RAD52: variants seen among roughly 807,000 people sequenced by gnomAD.
RAD52 encodes the protein DNA repair protein RAD52 homolog.
In RAD52, 47 loss-of-function variants were observed where a neutral mutation model predicts 55.5. That is an observed-to-expected ratio of 0.85 (90% CI 0.67 to 1.08). The LOEUF (loss-of-function observed/expected upper bound fraction) is 1.08. RAD52 is among the 50% of genes least tolerant of loss of function. RAD52 has a pLI of 0.00. For synonymous variants in RAD52, 184 were observed against 198.9 expected, an observed-to-expected ratio of 0.92 and a Z score of 0.63; for missense variants, 468 against 522.8, an observed-to-expected ratio of 0.90 and a Z score of 1.02.
chr12:935,254 G>C (rs1340317090), intron 1 of RAD52, among the ~76,000 whole-genome samples: 4 of 152,104 alleles, frequency 2.6e-5, no homozygotes, highest in Non-Finnish European at 4.4e-5. Context: ...TAACAAGATA[G>C]CTGGAGGGAG....
chr12:988,397 T>G (rs1490665690), intron 1 of RAD52, among the ~76,000 whole-genome samples: 1 of 152,190 alleles, frequency 6.6e-6, no homozygotes, highest in Non-Finnish European at 1.5e-5. Flanking sequence ...TTGGAGACTT[T>G]TCTTAAATAC....
Position 929,890 on chromosome 12 carries a change from G to C in RAD52, c.281-4C>G. The stretch of plus-strand genomic sequence containing the variant: ...CCATTGTTGAGGTCAACAAAATCTA[G>C]GAGTGGGAAAGAGAGCAAGTTGAAG... On this transcript the variant is annotated splice_region_variant and splice_polypyrimidine_tract_variant and intron_variant, in intron 4 of 11. Coordinates refer to ENST00000358495, the MANE Select transcript of RAD52 (RefSeq NM_134424.4). 1 of 1,613,306 alleles carries C rather than the reference G, an allele frequency of 6.2e-7. No homozygotes were observed. The highest frequency in any genetic ancestry group is 1.3e-5 in the African/African-American group (1 of 75,032).
intron 5 of RAD52, among the ~76,000 whole-genome samples, chr12:929,304 A>G: frequency 6.6e-6 from 1 of 152,232 alleles, no homozygotes. Context: ...CTTCAAATAA[A>G]TGATAGATCT....
At chr12:920,702 G>C (rs1297555928) in intron 7 of RAD52, among the ~76,000 whole-genome samples, 1 of 152,118 alleles carries the variant, frequency 6.6e-6, no homozygotes, top group Non-Finnish European at 1.5e-5. Context: ...ATAATAGTAG[G>C]AGACTTCACT....
chr12:945,959 G>A (rs1958201453), intron 1 of RAD52, among the ~76,000 whole-genome samples: 1 of 151,896 alleles, frequency 6.6e-6, no homozygotes, highest in South Asian at 2.1e-4. Context: ...GGAGACGGAG[G>A]TTGCAGTGAG....
intron 1 of RAD52, among the ~76,000 whole-genome samples, chr12:977,271 T>C (rs541776671): frequency 5.1e-4 from 77 of 152,370 alleles, no homozygotes; most frequent in African/African-American, 1.4e-3. Flanking sequence ...AATTGCTGCA[T>C]GTGCAATGTC....
chr12:957,303 C>CA (rs1390293351), intron 1 of RAD52, among the ~76,000 whole-genome samples: 1 of 151,430 alleles, frequency 6.6e-6, no homozygotes, highest in African/African-American at 2.4e-5. Context: ...ACTAAAAATA[C>CA]AAAAAAACAA....
At position 916,384 on chromosome 12, in the gene RAD52, C is replaced by T. The variant is rs1956376410; in HGVS notation, c.825G>A (p.Gln275=). The T allele has an allele frequency of 1.2e-6, 2 of 1,608,818 alleles. No individual in the cohort carries two copies. Among genetic ancestry groups the T allele is most frequent in the African/African-American group, 1.3e-5 (1 of 75,050 alleles). ...QQQFRERMEK[Q]QVRVSTPSAE... ...CTGACGGCGTGGAGACTCGAACCTG[C>T]TGCTTCTCCATCCGCTCCCGGAACT... The change falls in exon 9 of 12, where the codon CAG becomes CAA. Residue 275 remains glutamine (Q), a synonymous_variant. Coordinates refer to ENST00000358495, the MANE Select transcript of RAD52 (RefSeq NM_134424.4).
At chr12:946,701 T>C (rs918031398) in intron 1 of RAD52, among the ~76,000 whole-genome samples, 4 of 152,292 alleles carry the variant, frequency 2.6e-5, no homozygotes, top group Middle Eastern at 3.4e-3. Context: ...GCACTACGTA[T>C]ACAGCCAAAA....
At chr12:947,242 C>T (rs545853126) in intron 1 of RAD52, among the ~76,000 whole-genome samples, 7 of 152,142 alleles carry the variant, frequency 4.6e-5, no homozygotes, top group Non-Finnish European at 1.0e-4. Context: ...AGGAGAATCG[C>T]TTGAATCCAG....
At chr12:971,496 A>G (rs929986136) in intron 1 of RAD52, among the ~76,000 whole-genome samples, 2 of 152,152 alleles carry the variant, frequency 1.3e-5, no homozygotes, top group African/African-American at 4.8e-5. Flanking sequence ...ACAGGCAGCC[A>G]TGGTCAGATC....
At chr12:942,112 T>G (rs1957951452) in intron 1 of RAD52, among the ~76,000 whole-genome samples, 1 of 152,194 alleles carries the variant, frequency 6.6e-6, no homozygotes, top group Non-Finnish European at 1.5e-5. Context: ...ATTCTGATAT[T>G]TATATGGAAA....
At chr12:953,608 G>A (rs75364814), upstream of RAD52, among the ~76,000 whole-genome samples, 4,272 of 152,200 alleles carry the variant, frequency 0.028, 190 homozygotes, top group African/African-American at 0.097. Flanking sequence ...TAACATGGCC[G>A]TGCCAAGTTC....
chr12:944,825 C>T (rs1278957995), intron 1 of RAD52, among the ~76,000 whole-genome samples: 3 of 143,164 alleles, frequency 2.1e-5, no homozygotes, highest in Non-Finnish European at 3.0e-5. Context: ...AGTGCAATGG[C>T]ACAATCTCGG....
rs149883422 is a variant in RAD52 at position 917,556 on chromosome 12, T to G, written c.544-736A>C. Among the ~76,000 whole-genome samples the G allele has an allele frequency of 2.8e-4, 43 of 152,224 alleles. No individual in the cohort carries two copies. The East Asian group carries it at 2.9e-3, about 10-fold the overall frequency. On this transcript the variant is annotated intron_variant, in intron 7 of 11. Transcript: ENST00000358495. ...TGAAAATTATAGTGCAGATTTCATG[T>G]CTACATTGAAAGATAAATGAGTAGT...
At chr12:942,789 C>T (rs1000500113) in intron 1 of RAD52, among the ~76,000 whole-genome samples, 1 of 151,624 alleles carries the variant, frequency 6.6e-6, no homozygotes, top group Non-Finnish European at 1.5e-5. Context: ...GAAAGATTAT[C>T]TTCACAGCCT....
intron 9 of RAD52, among the ~76,000 whole-genome samples, chr12:915,916 C>T (rs762938154): frequency 6.6e-6 from 1 of 152,118 alleles, no homozygotes; most frequent in Non-Finnish European, 1.5e-5. Flanking sequence ...GGGGTTTCGC[C>T]ATGATGGCCA....
chr12:939,087 G>GTGTGTGTGTGTGT (rs751632769), intron 1 of RAD52, among the ~76,000 whole-genome samples: 698 of 61,782 alleles, frequency 0.011, 3 homozygotes, highest in African/African-American at 0.03. Flanking sequence ...TGTGTGTGTA[G>GTGTGTGTGTGTGT]AGAGAGAGAA....
At chr12:952,524 G>T (rs1958542427), upstream of RAD52, among the ~76,000 whole-genome samples, 1 of 152,094 alleles carries the variant, frequency 6.6e-6, no homozygotes, top group Admixed American at 6.5e-5. Context: ...TTAGAGAGGG[G>T]TCTTTGTAGA....
Sources: allele counts gnomAD v4.1 joint callset (sites outside exome capture counted in the v4.1 genomes callset), GRCh38; gene constraint gnomAD v4.1.1; transcripts MANE v1.5; gene names NCBI Gene and HGNC (gene_info 2026-07-23, HGNC 2026-07-21).